ZNF43: variants seen among roughly 807,000 people sequenced by gnomAD.
ZNF43 encodes the protein zinc finger protein 39-like 1 (KOX 27).
ZNF43 carries 44 observed loss-of-function variants against 68.4 expected under a neutral mutation model. That is an observed-to-expected ratio of 0.64 (90% CI 0.51 to 0.83). The LOEUF (loss-of-function observed/expected upper bound fraction) is 0.83. Ranked by LOEUF, ZNF43 falls within the 40% of genes least tolerant of loss-of-function variation. ZNF43 has a pLI of 0.00. For synonymous variants in ZNF43, 308 were observed against 307.8 expected, an observed-to-expected ratio of 1.00 and a Z score of -0.01; for missense variants, 896 against 933.2, an observed-to-expected ratio of 0.96 and a Z score of 0.52.
intron 1 of ZNF43, among the ~76,000 whole-genome samples, chr19:21,845,879 G>A (rs1413447486): frequency 6.8e-6 from 1 of 147,272 alleles, no homozygotes; most frequent in Non-Finnish European, 1.5e-5. Flanking sequence ...GGCAACAAGA[G>A]CGAAACTCTG....
At chr19:21,835,890 A>G (rs1165863925) in intron 1 of ZNF43, 146 bp downstream of exon 1, 8 of 1,394,590 alleles carry the variant, frequency 5.7e-6, no homozygotes, top group Non-Finnish European at 8.0e-6. Flanking sequence ...TGCCTCCCAG[A>G]GCAGCCGCCA....
Position 21,809,022 on chromosome 19 carries a change from C to G in ZNF43, c.1015G>C (p.Glu339Gln). 1.2e-6 allele frequency: 2 copies of G among 1,612,940 alleles called. No individual in the cohort carries two copies. The highest frequency in any genetic ancestry group is 2.2e-5 in the South Asian group (2 of 91,008). Reference protein sequence around the residue: ...LTKHKRIHTGEKPYTCEECGK... With the variant: ...LTKHKRIHTGQKPYTCEECGK... ...CATTCTTCACATGTGTAGGGTTTCT[C>G]TCCAGTATGAATTCTCTTATGTTTA... The change falls in exon 4 of 4, where the codon GAG becomes CAG. Residue 339 changes from glutamate (E) to glutamine (Q), a missense_variant. By Grantham distance (29) the Glu-to-Gln change is conservative. Coordinates refer to ENST00000354959, the MANE Select transcript of ZNF43 (RefSeq NM_003423.4).
In ZNF43 at chr19:21,809,301, T is replaced by C; in HGVS notation, c.736A>G (p.Thr246Ala). 1 of 1,613,730 alleles carries C rather than the reference T, an allele frequency of 6.2e-7. No individual in the cohort carries two copies. Among genetic ancestry groups the C allele is most frequent in the South Asian group, 1.1e-5 (1 of 91,068 alleles). Residue 246 changes from threonine to alanine, a missense_variant, in exon 4 of 4, where the codon ACT (threonine) becomes GCT (alanine). Coordinates refer to ENST00000354959, the MANE Select transcript of ZNF43 (RefSeq NM_003423.4). ...GKVFNWSSRL[T>A]THKKNYTRYK... ...CTAGTATAATTTTTTTTATGTGTAG[T>C]AAGGCGTGAGGACCAATTAAAGACT...
At chr19:21,831,033 C>T (rs2038400799) in intron 1 of ZNF43, among the ~76,000 whole-genome samples, 1 of 152,178 alleles carries the variant, frequency 6.6e-6, no homozygotes, top group Non-Finnish European at 1.5e-5. Context: ...GCAGAAAAAT[C>T]TTTCAAGAAA....
intron 1 of ZNF43, among the ~76,000 whole-genome samples, chr19:21,834,567 G>A (rs947453096): frequency 6.6e-6 from 1 of 151,816 alleles, no homozygotes; most frequent in African/African-American, 2.4e-5. Context: ...AACCAGCTTG[G>A]CCAACAAGGT....
chr19:21,821,138 A>ATTTTTT (rs74174043), intron 1 of ZNF43, among the ~76,000 whole-genome samples: 1 of 118,560 alleles, frequency 8.4e-6, no homozygotes, highest in Non-Finnish European at 1.7e-5. Context: ...CCCGGCTGTA[A>ATTTTTT]TTTTTTTTTT....
rs1445907282 is a variant in ZNF43, at chr19:21,817,988, T to G, written c.131-2A>C. 1 of 1,610,338 alleles carries G rather than the reference T, an allele frequency of 6.2e-7. No individual in the cohort carries two copies. Among genetic ancestry groups the G allele is most frequent in the Non-Finnish European group, 8.5e-7 (1 of 1,177,830 alleles). On this transcript the variant is annotated splice_acceptor_variant, in intron 2 of 3. Coordinates refer to ENST00000354959, the MANE Select transcript of ZNF43 (RefSeq NM_003423.4). LOFTEE classifies it high-confidence loss of function. ...GGTCTGGCTTAGAGACAGCAATACC[T>G]GTTTCAATAAAAAATAAATTACGTG... is the stretch of plus-strand genomic sequence containing the variant.
At chr19:21,844,342 T>C (rs1396801014) in intron 1 of ZNF43, among the ~76,000 whole-genome samples, 2 of 119,688 alleles carry the variant, frequency 1.7e-5, no homozygotes, top group East Asian at 4.6e-4. Flanking sequence ...AGGGAGACTC[T>C]GTCTCAAAAA....
At chr19:21,812,776 C>A (rs1599457369) in intron 3 of ZNF43, among the ~76,000 whole-genome samples, 1 of 151,842 alleles carries the variant, frequency 6.6e-6, no homozygotes, top group Non-Finnish European at 1.5e-5. Flanking sequence ...CATGGCAAAA[C>A]CCCATCTCTA....
Position 21,809,055 on chromosome 19 carries a change from T to C in ZNF43, c.982A>G (p.Thr328Ala). The change falls in exon 4 of 4, where the codon ACT becomes GCT. Residue 328 changes from threonine (T) to alanine (A), a missense_variant. Thr to Ala is a moderately conservative substitution (Grantham distance 58). Coordinates refer to ENST00000354959, the MANE Select transcript of ZNF43 (RefSeq NM_003423.4). ...ECGKAFNWPSTLTKHKRIHTG... is the reference protein window; with the variant it reads ...ECGKAFNWPSALTKHKRIHTG... ...TGAATTCTCTTATGTTTAGTAAGAG[T>C]TGAGGGCCAGTTAAAGGCTTTGCCA... The C allele has an allele frequency of 6.2e-7, 1 of 1,613,090 alleles. No homozygotes were observed. The highest frequency in any genetic ancestry group is 2.2e-5 in the East Asian group (1 of 44,842).
chr19:21,835,875 G>C (rs2038697647), intron 1 of ZNF43, among the ~76,000 whole-genome samples, 161 bp downstream of exon 1: 1 of 152,174 alleles, frequency 6.6e-6, no homozygotes, highest in Non-Finnish European at 1.5e-5. Context: ...CAGGACGCCC[G>C]GGGCTGCCTC....
At chr19:21,844,768 A>G in intron 1 of ZNF43, among the ~76,000 whole-genome samples, 1 of 150,690 alleles carries the variant, frequency 6.6e-6, no homozygotes, top group Non-Finnish European at 1.5e-5. Context: ...ATGGTGGCAG[A>G]CACCTGTAGT....
intron 3 of ZNF43, among the ~76,000 whole-genome samples, chr19:21,812,855 CAGG>C (rs1472609293): frequency 1.3e-5 from 2 of 151,448 alleles, no homozygotes; most frequent in Non-Finnish European, 2.9e-5. Context: ...GAGGCTGAGG[CAGG>C]AGAATTGTTT....
At chr19:21,822,386 A>G (rs984966344) in intron 1 of ZNF43, among the ~76,000 whole-genome samples, 2 of 152,244 alleles carry the variant, frequency 1.3e-5, no homozygotes, top group African/African-American at 4.8e-5. Context: ...TTAAAACAAC[A>G]TGGATGCTTC....
At position 21,807,993 on chromosome 19, in the gene ZNF43, C is replaced by T. The variant is rs954097648; in HGVS notation, c.2044G>A (p.Glu682Lys). 1 of 1,612,524 alleles carries T rather than the reference C, an allele frequency of 6.2e-7. No homozygotes were observed. The change falls in exon 4 of 4, where the codon GAA becomes AAA. Residue 682 changes from glutamate (E) to lysine (K), a missense_variant. Transcript: ENST00000354959. ...GACAGTTTAAAAGCTTTGCCACATT[C>T]TTCACATTTGTAGGGTTTCTCTCCA... ...HTGEKPYKCE[E>K]CGKAFKLSST...
chr19:21,833,227 A>G (rs902905999), intron 1 of ZNF43, among the ~76,000 whole-genome samples: 1 of 150,910 alleles, frequency 6.6e-6, no homozygotes, highest in African/African-American at 2.5e-5. Flanking sequence ...TCCTAAACTC[A>G]CTCTGGGAAA....
intron 1 of ZNF43, chr19:21,826,525 C>T (rs961154104): frequency 1.3e-5 from 2 of 152,098 alleles, no homozygotes; most frequent in African/African-American, 4.8e-5. Context: ...TTTCTACTTA[C>T]AATGGTGACA....
chr19:21,820,910 T>C (rs1330186111), intron 1 of ZNF43, among the ~76,000 whole-genome samples: 2 of 149,774 alleles, frequency 1.3e-5, no homozygotes, highest in Admixed American at 6.7e-5. Context: ...CTCGGCTCAC[T>C]GTAACCTCTG....
At chr19:21,819,243 C>G in intron 1 of ZNF43, 22 bp from the exon 2 acceptor site, 1 of 1,554,046 alleles carries the variant, frequency 6.4e-7, no homozygotes, top group Non-Finnish European at 8.6e-7. Context: ...AACACATACA[C>G]ACACAAACAC....
Sources: gnomAD v4.1 joint callset for allele counts (sites outside exome capture counted in the v4.1 genomes callset) on GRCh38, gnomAD v4.1.1 for gene constraint, MANE v1.5 for transcripts, NCBI Gene and HGNC (gene_info 2026-07-23, HGNC 2026-07-21) for gene names.